The following EYS variants were observed in gnomAD, a reference collection of about 807,000 sequenced individuals.
The protein encoded by EYS is EGF-like photoreceptor maintenance factor, also known as protein eyes shut homolog.
In EYS, 250 loss-of-function variants were observed where a neutral mutation model predicts 282.1. That is an observed-to-expected ratio of 0.89 (90% CI 0.80 to 0.98). The LOEUF (loss-of-function observed/expected upper bound fraction) is 0.98. EYS is among the 50% of genes least tolerant of loss of function. The probability of loss-of-function intolerance (pLI) is 0.00; values close to 1 mark genes in which losing one functional copy is unlikely to be tolerated. For synonymous variants in EYS, 1,355 were observed against 1,282.9 expected (o/e 1.06, Z -1.20); for missense variants, 4,016 against 3,709.0 (o/e 1.08, Z -2.15).
chr6:64,770,545 C>A (rs1773495482), intron 22 of EYS, among the ~76,000 whole-genome samples: 1 of 151,732 alleles, frequency 6.6e-6, no homozygotes, highest in African/African-American at 2.4e-5. Context: ...ACATATTGAC[C>A]CATAATGGTT....
rs554861338 is a variant in EYS at position 65,569,361 on chromosome 6, C to T, written c.-333+70417G>A. Among the ~76,000 whole-genome samples the T allele has an allele frequency of 1.4e-4, 22 of 152,254 alleles. No homozygotes were observed. In the South Asian group the frequency reaches 4.4e-3, roughly 30 times the overall value. ...CCTGCACCCAGATGAAATAAACTGC[C>T]CTGCTGCTCACACAAAGCCTGTTTG... On this transcript the variant is annotated intron_variant, in intron 2 of 42. Transcript: ENST00000503581.
At chr6:65,171,434 C>CA (rs1437291825) in intron 12 of EYS, among the ~76,000 whole-genome samples, 1 of 151,516 alleles carries the variant, frequency 6.6e-6, no homozygotes, top group Admixed American at 6.6e-5. Flanking sequence ...GCTTACATTT[C>CA]AACTTTTATG....
intron 5 of EYS, among the ~76,000 whole-genome samples, chr6:65,458,916 T>C (rs1279729369): frequency 7.9e-5 from 12 of 152,078 alleles, no homozygotes; most frequent in African/African-American, 2.9e-4. Context: ...TATATATTTA[T>C]AGAGACAGAG....
intron 5 of EYS, among the ~76,000 whole-genome samples, chr6:65,455,952 G>A (rs577128168): frequency 1.8e-4 from 26 of 147,716 alleles, no homozygotes; most frequent in African/African-American, 6.2e-4. Context: ...CAGGAAAGAC[G>A]GAAGGAAGGA....
intron 14 of EYS, among the ~76,000 whole-genome samples, chr6:64,950,805 A>G (rs1171989612): frequency 1.2e-5 from 1 of 85,308 alleles, no homozygotes; most frequent in African/African-American, 5.0e-5. Flanking sequence ...ATACATATAT[A>G]TATATATATA....
chr6:65,654,861 C>T (rs1450151236), intron 1 of EYS, among the ~76,000 whole-genome samples: 1 of 150,192 alleles, frequency 6.7e-6, no homozygotes, highest in African/African-American at 2.4e-5. Context: ...TTACCATATA[C>T]AACTATGGTA....
intron 41 of EYS, among the ~76,000 whole-genome samples, chr6:63,728,151 CAT>C (rs1406921044): frequency 6.6e-6 from 1 of 151,956 alleles, no homozygotes; most frequent in Non-Finnish European, 1.5e-5. Flanking sequence ...AAGTGTATAA[CAT>C]TTTTTAAGTG....
At chr6:64,985,366 A>G (rs752176506) in intron 14 of EYS, among the ~76,000 whole-genome samples, 19 of 151,490 alleles carry the variant, frequency 1.3e-4, no homozygotes, top group African/African-American at 2.4e-5. Flanking sequence ...ATCAGGAAGT[A>G]CCTCAGGCAG....
intron 15 of EYS, among the ~76,000 whole-genome samples, chr6:64,939,045 C>A (rs1029529306): frequency 4.0e-5 from 6 of 151,628 alleles, no homozygotes; most frequent in African/African-American, 1.5e-4. Context: ...TAAGGAAATT[C>A]CTAAGTTGTA....
At chr6:63,742,197 T>C (rs1272182744) in intron 41 of EYS, among the ~76,000 whole-genome samples, 2 of 152,184 alleles carry the variant, frequency 1.3e-5, no homozygotes, top group African/African-American at 4.8e-5. Flanking sequence ...CTCCAGCACA[T>C]TTCCTCTTGA....
rs560485299 is a variant in EYS, at chr6:65,253,791, A to G, written c.2023+42072T>C. Among the ~76,000 whole-genome samples, 3 of 151,982 alleles carry G rather than the reference A, an allele frequency of 2.0e-5. No homozygotes were observed. The East Asian group carries it at 5.8e-4, about 29-fold the overall frequency. On this transcript the variant is annotated intron_variant, in intron 12 of 42. Coordinates refer to ENST00000503581, the MANE Select transcript of EYS (RefSeq NM_001142800.2). ...CTACTTCAAAACAGTATACATGGAT[A>G]TAAGAGTACACATTGTAAATGGAAA...
intron 26 of EYS, among the ~76,000 whole-genome samples, chr6:64,462,942 AT>A (rs58373990): frequency 7.7e-3 from 811 of 105,912 alleles, no homozygotes; most frequent in South Asian, 0.015. Flanking sequence ...CTCAGCTTTA[AT>A]TTTTTTTTTT....
At chr6:65,273,076 TA>T (rs1414949973) in intron 12 of EYS, among the ~76,000 whole-genome samples, 1 of 152,026 alleles carries the variant, frequency 6.6e-6, no homozygotes, top group Non-Finnish European at 1.5e-5. Flanking sequence ...ATACACTGGA[TA>T]AAAAAAGATT....
rs570596716 is a variant in EYS at position 65,344,585 on chromosome 6, T to G, written c.1460-408A>C. 2.0e-5 allele frequency among the ~76,000 whole-genome samples: 3 copies of G among 151,632 alleles called. No homozygotes were observed. The South Asian group carries it at 6.2e-4, about 31-fold the overall frequency. On this transcript the variant is annotated intron_variant, in intron 9 of 42. Coordinates refer to ENST00000503581, the MANE Select transcript of EYS (RefSeq NM_001142800.2). ...ATATTCAAGAGAATGTGACCTATAT[T>G]CAAGAGGAAAACTAAAATTTTAAGG...
intron 11 of EYS, among the ~76,000 whole-genome samples, chr6:65,319,785 G>A (rs1769419168): frequency 6.6e-6 from 1 of 152,144 alleles, no homozygotes; most frequent in African/African-American, 2.4e-5. Flanking sequence ...GTTAAACAGG[G>A]AAGTGGCTGC....
intron 22 of EYS, among the ~76,000 whole-genome samples, chr6:64,646,678 C>A (rs1172095143): frequency 1.3e-5 from 2 of 151,716 alleles, no homozygotes; most frequent in Non-Finnish European, 2.9e-5. Flanking sequence ...TGGTGGCGGG[C>A]GCCTGAGTCC....
intron 36 of EYS, among the ~76,000 whole-genome samples, chr6:63,826,106 A>G (rs1352192503): frequency 6.6e-6 from 1 of 152,214 alleles, no homozygotes; most frequent in Non-Finnish European, 1.5e-5. Flanking sequence ...AATGCTCTGG[A>G]AAGTCTTAAC....
At chr6:65,188,442 A>G (rs1765563452) in intron 12 of EYS, among the ~76,000 whole-genome samples, 1 of 151,710 alleles carries the variant, frequency 6.6e-6, no homozygotes, top group Non-Finnish European at 1.5e-5. Flanking sequence ...TATTAAAAAT[A>G]TATGCTTGAG....
intron 12 of EYS, among the ~76,000 whole-genome samples, chr6:65,100,772 C>CAA (rs527752155): frequency 1.6e-4 from 22 of 135,344 alleles, no homozygotes; most frequent in South Asian, 4.7e-4. Flanking sequence ...ATAAAAGCTC[C>CAA]AAAAAAAAAA....
Sources: allele counts gnomAD v4.1 joint callset (sites outside exome capture counted in the v4.1 genomes callset), GRCh38; gene constraint gnomAD v4.1.1; transcripts MANE v1.5; gene names NCBI Gene and HGNC (gene_info 2026-07-23, HGNC 2026-07-21).